The following MACROD2 variants were observed in gnomAD, a reference collection of about 807,000 sequenced individuals.
MACROD2 encodes the protein ADP-ribose glycohydrolase MACROD2.
MACROD2 carries 36 observed loss-of-function variants against 70.4 expected under a neutral mutation model. The observed-to-expected ratio is 0.51, with a 90% CI of 0.39 to 0.68. The LOEUF (loss-of-function observed/expected upper bound fraction) is 0.68. Ranked by LOEUF, MACROD2 falls within the 30% of genes least tolerant of loss-of-function variation. The pLI, the probability that MACROD2 is intolerant of heterozygous loss-of-function variation, is 0.00. For synonymous variants in MACROD2, 172 were observed against 178.8 expected (o/e 0.96, Z 0.30); for missense variants, 496 against 538.4 (o/e 0.92, Z 0.78).
intron 8 of MACROD2, among the ~76,000 whole-genome samples, chr20:15,599,068 T>A (rs1439423637): frequency 1.3e-5 from 2 of 152,064 alleles, no homozygotes; most frequent in African/African-American, 4.8e-5. Flanking sequence ...CTGATACCCA[T>A]CAAGAGAACA....
intron 6 of MACROD2, among the ~76,000 whole-genome samples, chr20:15,395,788 G>T (rs1214885433): frequency 6.6e-6 from 1 of 152,172 alleles, no homozygotes; most frequent in African/African-American, 2.4e-5. Flanking sequence ...TGGAAACAAG[G>T]CAGGCCTTCG....
In MACROD2 at chr20:15,339,014, C is replaced by T. The variant is rs1233205131; in HGVS notation, c.541-92391C>T. On this transcript the variant is annotated intron_variant, in intron 6 of 17. Transcript: ENST00000684519. ...CAACAACTGGCTTCATTGGCTCCTTCAAATAAACCCGTTTAATCTATTATA... is the reference window on the plus strand; with the variant it reads ...CAACAACTGGCTTCATTGGCTCCTTTAAATAAACCCGTTTAATCTATTATA... Among the ~76,000 whole-genome samples the T allele has an allele frequency of 4.0e-5, 6 of 151,766 alleles. No individual in the cohort carries two copies. In the South Asian group the frequency reaches 1.0e-3, roughly 26 times the overall value.
In MACROD2 at chr20:14,085,644, CAG is replaced by C; in HGVS notation, c.188_189del (p.Gln63ArgfsTer7). On this transcript the variant is annotated frameshift_variant, in exon 3 of 18. Transcript: ENST00000684519. LOFTEE classifies it high-confidence loss of function. ...AGAAGAAAATACTCAGGAAACATCC[CAG>C]GTGAAGAAAAGTTTGACTGAAAAAG... ...NDEENTQETSQVKKSLTEKVS... is the reference protein window; with the variant it reads ...NDEENTQETSXVKKSLTEKVS... 6.3e-7 allele frequency: 1 copy of C among 1,576,888 alleles called. No individual in the cohort carries two copies. Among genetic ancestry groups the C allele is most frequent in the South Asian group, 1.2e-5 (1 of 82,474 alleles).
At chr20:15,426,201 TA>T (rs35840462) in intron 6 of MACROD2, among the ~76,000 whole-genome samples, 27,603 of 94,738 alleles carry the variant, frequency 0.29, 2,811 homozygotes, top group Middle Eastern at 0.41. Context: ...GAATGATCAA[TA>T]AAAAAAAAAA....
rs951397131 is a variant in MACROD2 at position 15,461,006 on chromosome 20, A to ATTT, written c.571+29578_571+29580dup. Among the ~76,000 whole-genome samples the ATTT allele has an allele frequency of 5.8e-3, 387 of 66,976 alleles. 12 individuals are homozygous for ATTT. The highest frequency in any genetic ancestry group is 0.044 in the East Asian group (72 of 1,632). 43.9% of individuals were successfully genotyped at this position (66,976 alleles called of 152,430 possible). ...TATATATATATATATATATATATAT[A>ATTT]TTTTTTTTTAATAGATGGGGTCTTG... On this transcript the variant is annotated intron_variant, in intron 7 of 17. Transcript: ENST00000684519.
At chr20:15,730,077 C>T (rs1225303679) in intron 8 of MACROD2, among the ~76,000 whole-genome samples, 14 of 152,114 alleles carry the variant, frequency 9.2e-5, no homozygotes, top group African/African-American at 3.4e-4. Context: ...ATCCACCTGC[C>T]TCAGCCTCCC....
chr20:14,661,340 A>C (rs1432997237), intron 4 of MACROD2, among the ~76,000 whole-genome samples: 1 of 151,986 alleles, frequency 6.6e-6, no homozygotes, highest in Non-Finnish European at 1.5e-5. Flanking sequence ...TTTGCCACTT[A>C]TATGTCTCCT....
At chr20:15,114,466 C>T (rs1365581098) in intron 5 of MACROD2, among the ~76,000 whole-genome samples, 1 of 152,080 alleles carries the variant, frequency 6.6e-6, no homozygotes, top group Non-Finnish European at 1.5e-5. Context: ...GAGAGTAGTT[C>T]TTGGTTGGTA....
chr20:14,223,218 A>T (rs553098924), intron 3 of MACROD2: 1 of 152,516 alleles, frequency 6.6e-6, no homozygotes, highest in South Asian at 2.1e-4. Flanking sequence ...ATGAGGGGTG[A>T]AGCAGCCCAG....
chr20:15,280,243 G>A (rs2077431118), intron 6 of MACROD2, among the ~76,000 whole-genome samples: 1 of 151,992 alleles, frequency 6.6e-6, no homozygotes, highest in Non-Finnish European at 1.5e-5. Context: ...GCACTGCGTG[G>A]TACAGCAAAC....
chr20:15,586,634 C>T (rs1368983469), intron 8 of MACROD2, among the ~76,000 whole-genome samples: 1 of 152,058 alleles, frequency 6.6e-6, no homozygotes, highest in East Asian at 1.9e-4. Flanking sequence ...ATTATGTCTA[C>T]CTAATTTATC....
chr20:15,671,944 G>C (rs1013120093), intron 8 of MACROD2, among the ~76,000 whole-genome samples: 1 of 152,156 alleles, frequency 6.6e-6, no homozygotes, highest in Non-Finnish European at 1.5e-5. Flanking sequence ...GTCCCAGAGA[G>C]GGAGCACAAC....
intron 8 of MACROD2, among the ~76,000 whole-genome samples, chr20:15,549,751 A>G (rs569286020): frequency 2.0e-5 from 3 of 152,268 alleles, no homozygotes; most frequent in South Asian, 2.1e-4. Flanking sequence ...GCATCTTCCT[A>G]AATTACCACT....
chr20:14,295,580 G>GA (rs1189146058), intron 3 of MACROD2, among the ~76,000 whole-genome samples: 1 of 151,710 alleles, frequency 6.6e-6, no homozygotes, highest in Non-Finnish European at 1.5e-5. Flanking sequence ...GGGCTGGGGG[G>GA]AGTGGTAATA....
At chr20:15,205,438 G>T (rs2076693399) in intron 5 of MACROD2, among the ~76,000 whole-genome samples, 1 of 151,986 alleles carries the variant, frequency 6.6e-6, no homozygotes, top group Admixed American at 6.6e-5. Flanking sequence ...CCATGTTAAG[G>T]AATGAGTCAA....
chr20:14,894,060 A>G (rs1189269619), intron 5 of MACROD2: 1 of 151,972 alleles, frequency 6.6e-6, no homozygotes, highest in East Asian at 1.9e-4. Flanking sequence ...TGCTGAGGTT[A>G]CAAGCATGAG....
chr20:15,372,131 T>C (rs2045502630), intron 6 of MACROD2, among the ~76,000 whole-genome samples: 1 of 152,238 alleles, frequency 6.6e-6, no homozygotes, highest in Non-Finnish European at 1.5e-5. Flanking sequence ...TTCATCTCTA[T>C]GGAAAAATAC....
chr20:14,535,855 A>T (rs757817467), intron 4 of MACROD2, among the ~76,000 whole-genome samples: 1 of 152,198 alleles, frequency 6.6e-6, no homozygotes, highest in Non-Finnish European at 1.5e-5. Flanking sequence ...GAATTTGTAG[A>T]AGATTTCACT....
intron 4 of MACROD2, among the ~76,000 whole-genome samples, chr20:14,562,290 A>C (rs185607029): frequency 2.2e-4 from 34 of 151,978 alleles, no homozygotes; most frequent in Non-Finnish European, 3.1e-4. Flanking sequence ...AAAAAATTTC[A>C]TTTTGTCTAA....
Sources: allele counts gnomAD v4.1 joint callset (sites outside exome capture counted in the v4.1 genomes callset), GRCh38; gene constraint gnomAD v4.1.1; transcripts MANE v1.5; gene names NCBI Gene and HGNC (gene_info 2026-07-23, HGNC 2026-07-21).